COL21A1: variants seen among roughly 807,000 people sequenced by gnomAD.
COL21A1 encodes the protein collagen alpha-1(XXI) chain.
COL21A1 carries 149 observed loss-of-function variants against 137.9 expected under a neutral mutation model. That is an observed-to-expected ratio of 1.08 (90% CI 0.95 to 1.24). COL21A1 has a LOEUF of 1.24. Ranked by LOEUF, COL21A1 falls within the 50% of genes most tolerant of loss-of-function variation. The pLI, the probability that COL21A1 is intolerant of heterozygous loss-of-function variation, is 0.00. For synonymous variants in COL21A1, 456 were observed against 391.5 expected (o/e 1.16, Z -1.95); for missense variants, 1,167 against 1,158.4 (o/e 1.01, Z -0.11).
chr6:56,357,007 A>G (rs935293212), intron 1 of COL21A1, among the ~76,000 whole-genome samples: 1 of 152,128 alleles, frequency 6.6e-6, no homozygotes, highest in Non-Finnish European at 1.5e-5. Context: ...AAGACAATAT[A>G]TATCATAAAT....
At chr6:56,234,073 T>TA in intron 1 of COL21A1, among the ~76,000 whole-genome samples, 1 of 151,694 alleles carries the variant, frequency 6.6e-6, no homozygotes, top group East Asian at 1.9e-4. Context: ...ATCATTATAA[T>TA]AAAAGACAAG....
At chr6:56,292,164 G>T (rs963158072) in intron 1 of COL21A1, among the ~76,000 whole-genome samples, 1 of 152,042 alleles carries the variant, frequency 6.6e-6, no homozygotes, top group African/African-American at 2.4e-5. Flanking sequence ...ATGAGACTCT[G>T]TCTCAAAAAA....
At chr6:56,289,830 T>G (rs4374815) in intron 1 of COL21A1, among the ~76,000 whole-genome samples, 150,907 of 152,148 alleles carry the variant, frequency 0.99, 74,847 homozygotes, top group Middle Eastern at 1. Flanking sequence ...TTAAGGGGAG[T>G]CTATTATGTG....
chr6:56,220,051 T>C (rs892771464), intron 1 of COL21A1, among the ~76,000 whole-genome samples: 3 of 152,168 alleles, frequency 2.0e-5, no homozygotes, highest in African/African-American at 7.2e-5. Flanking sequence ...TAATAGACTG[T>C]ATTGGTATAT....
At chr6:56,146,439 T>A (rs964895226) in intron 10 of COL21A1, among the ~76,000 whole-genome samples, 2 of 152,160 alleles carry the variant, frequency 1.3e-5, no homozygotes, top group African/African-American at 4.8e-5. Flanking sequence ...ATAACTAATA[T>A]AGAAACTAGT....
intron 1 of COL21A1, among the ~76,000 whole-genome samples, chr6:56,312,334 G>A (rs1246910193): frequency 6.6e-6 from 1 of 152,166 alleles, no homozygotes; most frequent in Non-Finnish European, 1.5e-5. Flanking sequence ...GATGCAGTTT[G>A]TGATTACTTA....
At chr6:56,172,691 G>T (rs1165509818) in intron 3 of COL21A1, among the ~76,000 whole-genome samples, 1 of 151,990 alleles carries the variant, frequency 6.6e-6, no homozygotes, top group Non-Finnish European at 1.5e-5. Flanking sequence ...AAAGTTAAAA[G>T]ACAAAAGCAT....
intron 1 of COL21A1, among the ~76,000 whole-genome samples, chr6:56,307,165 G>T (rs1764481741): frequency 6.6e-6 from 1 of 152,212 alleles, no homozygotes; most frequent in Non-Finnish European, 1.5e-5. Context: ...GGCAACTTGG[G>T]GGTCAGGGAC....
chr6:56,098,025 A>G lies in COL21A1; in HGVS notation c.1812+3447T>C, dbSNP rs1474518287. The stretch of plus-strand genomic sequence containing the variant: ...TATAAATATATAAATATATATAAAT[A>G]TATATGTAAATATATAAATATATAT... On this transcript the variant is annotated intron_variant, in intron 17 of 29. Coordinates refer to ENST00000244728, the MANE Select transcript of COL21A1 (RefSeq NM_030820.4). 6.2e-5 allele frequency among the ~76,000 whole-genome samples: 4 copies of G among 64,362 alleles called. 1 individual carries two copies. The highest frequency in any genetic ancestry group is 4.2e-4 in the East Asian group (1 of 2,386). The allele number at this position is 64,362 out of a possible 152,430, so 42.2% of individuals were successfully genotyped here.
intron 1 of COL21A1, among the ~76,000 whole-genome samples, chr6:56,345,121 T>G (rs6908736): frequency 6.6e-6 from 1 of 151,868 alleles, no homozygotes; most frequent in African/African-American, 2.4e-5. Flanking sequence ...TTAACAAGGG[T>G]GACAAAAGGC....
At chr6:56,195,246 C>A (rs1159349888) in intron 1 of COL21A1, among the ~76,000 whole-genome samples, 2 of 152,208 alleles carry the variant, frequency 1.3e-5, no homozygotes, top group Admixed American at 6.5e-5. Flanking sequence ...CAACTTCTAG[C>A]AAGCTCCCAA....
intron 1 of COL21A1, among the ~76,000 whole-genome samples, chr6:56,391,405 CA>C (rs1477418653): frequency 6.6e-6 from 1 of 151,760 alleles, no homozygotes; most frequent in African/African-American, 2.4e-5. Context: ...CAAAGCAAAT[CA>C]AATTCAAAAT....
At chr6:56,086,405 CAT>C (rs962772970) in intron 17 of COL21A1, among the ~76,000 whole-genome samples, 1 of 151,648 alleles carries the variant, frequency 6.6e-6, no homozygotes, top group African/African-American at 2.4e-5. Context: ...TTACCAATAA[CAT>C]AAACAGTCAA....
At chr6:56,254,598 G>GC (rs1782925840) in intron 1 of COL21A1, among the ~76,000 whole-genome samples, 1 of 152,110 alleles carries the variant, frequency 6.6e-6, no homozygotes, top group Non-Finnish European at 1.5e-5. Flanking sequence ...CAAAATAATT[G>GC]TTTATAAAGC....
chr6:56,136,574 C>G (rs1301639445), intron 12 of COL21A1, among the ~76,000 whole-genome samples: 1 of 152,050 alleles, frequency 6.6e-6, no homozygotes, highest in Non-Finnish European at 1.5e-5. Context: ...CTTTGATGAG[C>G]CTGTCCATCT....
chr6:56,233,884 A>G lies in COL21A1; in HGVS notation c.-39+13503T>C, dbSNP rs115590895. On this transcript the variant is annotated intron_variant, in intron 1 of 29. Coordinates refer to ENST00000244728, the MANE Select transcript of COL21A1 (RefSeq NM_030820.4). ...TTGTCTAGAGACTTCTCATCACAAA[A>G]GTGAAGCTAAAAAACAATGAGGGGG... 4.0e-3 allele frequency among the ~76,000 whole-genome samples: 604 copies of G among 152,004 alleles called. 4 individuals are homozygous for G. Among genetic ancestry groups the G allele is most frequent in the African/African-American group, 0.014 (568 of 41,542 alleles).
At chr6:56,264,972 A>G (rs1197688298) in intron 1 of COL21A1, among the ~76,000 whole-genome samples, 2 of 152,152 alleles carry the variant, frequency 1.3e-5, no homozygotes, top group Non-Finnish European at 2.9e-5. Context: ...TGCCTCTCCC[A>G]AACAATTGTG....
rs868434608 is a variant in COL21A1, at chr6:56,097,954, A to T, written c.1812+3518T>A. Among the ~76,000 whole-genome samples the T allele has an allele frequency of 9.6e-3, 660 of 69,014 alleles. 58 individuals carry two copies. The highest frequency in any genetic ancestry group is 0.03 in the African/African-American group (358 of 12,016). The allele number at this position is 69,014 out of a possible 152,430, so 45.3% of individuals were successfully genotyped here. ...ATATATAAAAATATATATAAATATA[A>T]AAATATATATAAATATATAAATATA... On this transcript the variant is annotated intron_variant, in intron 17 of 29. Coordinates refer to ENST00000244728, the MANE Select transcript of COL21A1 (RefSeq NM_030820.4).
At chr6:56,150,009 T>G (rs1775162934) in intron 10 of COL21A1, among the ~76,000 whole-genome samples, 1 of 152,210 alleles carries the variant, frequency 6.6e-6, no homozygotes, top group South Asian at 2.1e-4. Context: ...CTCTATGCCA[T>G]CTTCCCTTCC....
Sources: allele counts gnomAD v4.1 joint callset (sites outside exome capture counted in the v4.1 genomes callset), GRCh38; gene constraint gnomAD v4.1.1; transcripts MANE v1.5; gene names NCBI Gene and HGNC (gene_info 2026-07-23, HGNC 2026-07-21).